Variants in GABRG3 observed in about 807,000 individuals in gnomAD.
The protein encoded by GABRG3 is gamma-aminobutyric acid type A receptor subunit gamma3, also known as gamma-aminobutyric acid receptor subunit gamma-3.
Under a neutral mutation model 48.8 loss-of-function variants are expected in GABRG3, and 25 were observed. That is an observed-to-expected ratio of 0.51 (90% CI 0.37 to 0.72). The LOEUF is 0.72. Ranked by LOEUF, GABRG3 falls within the 30% of genes least tolerant of loss-of-function variation. GABRG3 has a pLI of 0.00. For synonymous variants in GABRG3, 227 were observed against 217.6 expected, an observed-to-expected ratio of 1.04 and a Z score of -0.38; for missense variants, 394 against 577.9, an observed-to-expected ratio of 0.68 and a Z score of 3.26.
intron 3 of GABRG3, among the ~76,000 whole-genome samples, chr15:27,149,798 G>C (rs919193644): frequency 6.6e-6 from 1 of 152,174 alleles, no homozygotes; most frequent in Non-Finnish European, 1.5e-5. Context: ...GGGAAAAATA[G>C]TCTGGCTTCC....
chr15:27,400,635 C>CCCCATTAT, intron 5 of GABRG3, among the ~76,000 whole-genome samples: 1 of 152,250 alleles, frequency 6.6e-6, no homozygotes, highest in Admixed American at 6.5e-5. Context: ...AGCTGTATAA[C>CCCCATTAT]CCCATTATTC....
intron 5 of GABRG3, among the ~76,000 whole-genome samples, chr15:27,417,543 C>T (rs1390499118): frequency 6.6e-6 from 1 of 152,106 alleles, no homozygotes; most frequent in Non-Finnish European, 1.5e-5. Context: ...CCTTCCATCA[C>T]CCGGGGCTCA....
chr15:26,991,003 C>T (rs1025207687), intron 2 of GABRG3, among the ~76,000 whole-genome samples: 2 of 151,974 alleles, frequency 1.3e-5, no homozygotes, highest in South Asian at 4.2e-4. Context: ...TGGGATTTCA[C>T]CATGTTGGCC....
intron 5 of GABRG3, among the ~76,000 whole-genome samples, chr15:27,472,021 T>A (rs566069269): frequency 6.6e-6 from 1 of 152,334 alleles, no homozygotes; most frequent in Admixed American, 6.5e-5. Context: ...ATGTAATTCA[T>A]AATTAAACTT....
chr15:27,227,133 C>T (rs563684535), intron 3 of GABRG3, among the ~76,000 whole-genome samples: 3 of 152,174 alleles, frequency 2.0e-5, no homozygotes, highest in Non-Finnish European at 4.4e-5. Flanking sequence ...TGATTTAACA[C>T]TAAGGTATCA....
At chr15:27,525,802 A>G (rs1891262027) in intron 7 of GABRG3, among the ~76,000 whole-genome samples, 1 of 151,996 alleles carries the variant, frequency 6.6e-6, no homozygotes, top group Non-Finnish European at 1.5e-5. Flanking sequence ...TTTTGGCTGC[A>G]TAGTATTCCC....
chr15:27,154,147 C>T (rs1371138166), intron 3 of GABRG3, among the ~76,000 whole-genome samples: 5 of 152,098 alleles, frequency 3.3e-5, no homozygotes, highest in African/African-American at 1.2e-4. Flanking sequence ...AGAATCTGCA[C>T]CTTGAGGTCT....
intron 5 of GABRG3, among the ~76,000 whole-genome samples, chr15:27,470,091 G>T (rs1211941803): frequency 6.6e-6 from 1 of 152,110 alleles, no homozygotes; most frequent in Non-Finnish European, 1.5e-5. Flanking sequence ...CTGAAATTCA[G>T]TATCTACAGG....
intron 5 of GABRG3, among the ~76,000 whole-genome samples, chr15:27,351,141 G>GGTGT (rs763562179): frequency 6.9e-6 from 1 of 145,412 alleles, no homozygotes; most frequent in African/African-American, 2.5e-5. Flanking sequence ...GTTTGAGTAT[G>GGTGT]GTGTGTGTGT....
intron 3 of GABRG3, chr15:27,161,001 G>C (rs1887164808): frequency 6.6e-6 from 1 of 152,060 alleles, no homozygotes; most frequent in African/African-American, 2.4e-5. Flanking sequence ...GCCTGTCAAG[G>C]AAAGGGGCTG....
intron 2 of GABRG3, among the ~76,000 whole-genome samples, chr15:26,981,021 A>G (rs115006404): frequency 0.011 from 1,618 of 152,290 alleles, 30 homozygotes; most frequent in African/African-American, 0.037. Context: ...ACAAATTTCC[A>G]TGACATGAGT....
At position 27,179,408 on chromosome 15, in the gene GABRG3, T is replaced by C. The variant is rs1238449840; in HGVS notation, c.271-147401T>C. The stretch of plus-strand genomic sequence containing the variant: ...GTGCTTTTTCCATTTTTGTTGATAA[T>C]GATGCCCTCAGTTTTGTAATTGCTT... On this transcript the variant is annotated intron_variant, in intron 3 of 9. Coordinates refer to ENST00000615808, the MANE Select transcript of GABRG3 (RefSeq NM_033223.5). This position sits in a 1 kb window ranked among gnomAD's most constrained non-coding sequence, Gnocchi z 4.0. 6.6e-6 allele frequency among the ~76,000 whole-genome samples: 1 copy of C among 152,212 alleles called. No homozygotes were observed. Among genetic ancestry groups the C allele is most frequent in the Non-Finnish European group, 1.5e-5 (1 of 68,046 alleles).
At chr15:27,474,550 C>T (rs1889876687) in intron 5 of GABRG3, among the ~76,000 whole-genome samples, 1 of 152,132 alleles carries the variant, frequency 6.6e-6, no homozygotes, top group African/African-American at 2.4e-5. Flanking sequence ...TCTGTGTTCC[C>T]AGCTTCATTA....
At chr15:27,489,361 T>C (rs973658045) in intron 6 of GABRG3, among the ~76,000 whole-genome samples, 1 of 152,198 alleles carries the variant, frequency 6.6e-6, no homozygotes, top group Non-Finnish European at 1.5e-5. Flanking sequence ...GTCTTTATAG[T>C]AGAATGATTT....
intron 5 of GABRG3, among the ~76,000 whole-genome samples, chr15:27,339,760 C>T (rs79262741): frequency 0.029 from 4,478 of 152,238 alleles, 102 homozygotes; most frequent in African/African-American, 0.055. Context: ...GCTTTAGTGA[C>T]GTAATTTGTT....
intron 3 of GABRG3, among the ~76,000 whole-genome samples, chr15:27,092,838 C>A (rs1206962626): frequency 6.6e-6 from 1 of 152,050 alleles, no homozygotes; most frequent in African/African-American, 2.4e-5. Flanking sequence ...CTCTCCCTCC[C>A]AGAAGAGTGT....
intron 3 of GABRG3, among the ~76,000 whole-genome samples, chr15:27,304,408 T>A (rs1046214303): frequency 6.6e-6 from 1 of 151,992 alleles, no homozygotes; most frequent in African/African-American, 2.4e-5. Flanking sequence ...ATTTATTTTT[T>A]TAAAAAAATC....
chr15:27,228,297 T>C (rs1438278435), intron 3 of GABRG3, among the ~76,000 whole-genome samples: 2 of 152,364 alleles, frequency 1.3e-5, no homozygotes, highest in African/African-American at 2.4e-5. Context: ...CTCCCACTTA[T>C]AAATGAGAAC....
chr15:27,105,070 G>A (rs1029890166), intron 3 of GABRG3, among the ~76,000 whole-genome samples: 1 of 152,068 alleles, frequency 6.6e-6, no homozygotes, highest in Non-Finnish European at 1.5e-5. Flanking sequence ...TAGATTGAAA[G>A]TAAAAGAATG....
Sources: allele counts gnomAD v4.1 joint callset (sites outside exome capture counted in the v4.1 genomes callset), GRCh38; gene constraint gnomAD v4.1.1; non-coding constraint Gnocchi (gnomAD v3.1); transcripts MANE v1.5; gene names NCBI Gene and HGNC (gene_info 2026-07-23, HGNC 2026-07-21).